XRRA1: variants seen among roughly 807,000 people sequenced by gnomAD.
XRRA1 encodes the protein X-ray radiation resistance-associated protein 1.
A neutral mutation model predicts 80.2 loss-of-function variants in XRRA1; 69 were observed. That is an observed-to-expected ratio of 0.86 (90% CI 0.71 to 1.05). The LOEUF is 1.05. Among genes scored for constraint, XRRA1 ranks in the 50% least tolerant of loss-of-function variants. The pLI, the probability that XRRA1 is intolerant of heterozygous loss-of-function variation, is 0.00. For missense variants in XRRA1, 967 were observed against 976.4 expected (o/e 0.99, Z 0.13); for synonymous variants, 348 against 389.9 (o/e 0.89, Z 1.27).
chr11:74,862,036 GA>G (rs1436805030), intron 11 of XRRA1, among the ~76,000 whole-genome samples: 1 of 152,220 alleles, frequency 6.6e-6, no homozygotes, highest in Admixed American at 6.5e-5. Context: ...TTGACCAATA[GA>G]ATGTGGAGAA....
At chr11:74,851,935 C>T (rs764098049) in intron 13 of XRRA1, 54 bp downstream of exon 13, 81 of 1,494,018 alleles carry the variant, frequency 5.4e-5, no homozygotes, top group Middle Eastern at 3.4e-4. Context: ...ATGAGGGTGC[C>T]ACACTGCTCC....
Position 74,859,303 on chromosome 11 carries a change from C to G in XRRA1, c.1045-20G>C, listed in dbSNP as rs1323971273. 9.4e-6 allele frequency: 15 copies of G among 1,595,264 alleles called. No individual in the cohort carries two copies. Among genetic ancestry groups the G allele is most frequent in the Non-Finnish European group, 1.3e-5 (15 of 1,171,614 alleles). ...GGTTGTCTTAGAAAGAAGGAAAAGT[C>G]AAAATCAAAGTGCCCGATAATAAAT... is the stretch of plus-strand genomic sequence containing the variant. On this transcript the variant is annotated intron_variant, in intron 11 of 18. Coordinates refer to ENST00000684022, the MANE Select transcript of XRRA1 (RefSeq NM_001378157.1).
At chr11:74,898,219 T>C (rs1176832985) in intron 10 of XRRA1, among the ~76,000 whole-genome samples, 1 of 152,134 alleles carries the variant, frequency 6.6e-6, no homozygotes, top group Non-Finnish European at 1.5e-5. Context: ...GGTTATAAGA[T>C]AGTATTTGCA....
intron 10 of XRRA1, among the ~76,000 whole-genome samples, chr11:74,904,717 T>C (rs2054213950): frequency 6.6e-6 from 1 of 152,046 alleles, no homozygotes; most frequent in African/African-American, 2.4e-5. Flanking sequence ...AAATATGCAG[T>C]ACTATATTGT....
At chr11:74,900,449 G>A (rs910052095) in intron 10 of XRRA1, among the ~76,000 whole-genome samples, 2 of 152,070 alleles carry the variant, frequency 1.3e-5, no homozygotes, top group Admixed American at 1.3e-4. Context: ...AGGCATGGTG[G>A]CATATGCCTG....
chr11:74,877,247 C>A (rs1158228908), intron 10 of XRRA1, among the ~76,000 whole-genome samples: 5 of 152,108 alleles, frequency 3.3e-5, no homozygotes, highest in African/African-American at 4.8e-5. Context: ...AAAGATAGCC[C>A]AGGCCTACAA....
chr11:74,884,542 C>T (rs1242365644), intron 10 of XRRA1, among the ~76,000 whole-genome samples: 3 of 152,222 alleles, frequency 2.0e-5, no homozygotes, highest in African/African-American at 7.2e-5. Flanking sequence ...TGCCTCCTCA[C>T]CAGGCACCTA....
chr11:74,860,309 G>A (rs563040633), intron 11 of XRRA1, among the ~76,000 whole-genome samples: 12 of 152,334 alleles, frequency 7.9e-5, no homozygotes, highest in African/African-American at 2.6e-4. Flanking sequence ...TTTCTGAGAC[G>A]CAAGAGTGGA....
chr11:74,859,284 C>A lies in XRRA1; in HGVS notation c.1045-1G>T. ...GAGGAAGTGAACATATCTTGGTTGT[C>A]TTAGAAAGAAGGAAAAGTCAAAATC... On this transcript the variant is annotated splice_acceptor_variant, in intron 11 of 18. Coordinates refer to ENST00000684022, the MANE Select transcript of XRRA1 (RefSeq NM_001378157.1). LOFTEE classifies it high-confidence loss of function. 6.2e-7 allele frequency: 1 copy of A among 1,602,234 alleles called. No individual in the cohort carries two copies. Among genetic ancestry groups the A allele is most frequent in the South Asian group, 1.1e-5 (1 of 88,540 alleles).
chr11:74,880,644 A>G (rs1452972195), intron 10 of XRRA1, among the ~76,000 whole-genome samples: 1 of 150,964 alleles, frequency 6.6e-6, no homozygotes. Context: ...TGCGTCCCAG[A>G]GATTCTGGTA....
chr11:74,907,408 C>G, intron 8 of XRRA1, 135 bp from the exon 9 acceptor site: 3 of 1,116,160 alleles, frequency 2.7e-6, no homozygotes, highest in Non-Finnish European at 3.8e-6. Flanking sequence ...CAAAAGAGGT[C>G]CCCATAGGGA....
At chr11:74,843,999 A>G (rs762270074) in intron 17 of XRRA1, 40 bp from the exon 18 acceptor site, 2 of 1,577,464 alleles carry the variant, frequency 1.3e-6, no homozygotes, top group South Asian at 2.2e-5. Context: ...TCCCAGGTTT[A>G]TGCACAGACT....
At chr11:74,905,310 T>G (rs2054351429) in intron 10 of XRRA1, among the ~76,000 whole-genome samples, 1 of 152,190 alleles carries the variant, frequency 6.6e-6, no homozygotes, top group Non-Finnish European at 1.5e-5. Context: ...CCTCAAACAA[T>G]TCTCCAGCCT....
chr11:74,930,618 C>A (rs2139404861), intron 5 of XRRA1, among the ~76,000 whole-genome samples: 1 of 152,198 alleles, frequency 6.6e-6, no homozygotes, highest in Admixed American at 6.5e-5. Flanking sequence ...TAACCACTAT[C>A]CAGAGGTAAG....
chr11:74,892,053 A>G (rs1039741211), intron 10 of XRRA1, among the ~76,000 whole-genome samples: 9 of 152,148 alleles, frequency 5.9e-5, no homozygotes, highest in African/African-American at 2.2e-4. Flanking sequence ...GGAAAAAACT[A>G]CTTTAAAGTT....
intron 9 of XRRA1, chr11:74,906,710 T>G (rs2054681699): frequency 3.8e-6 from 2 of 530,200 alleles, no homozygotes; most frequent in Non-Finnish European, 6.6e-6. Context: ...CAAAGTAGTA[T>G]TCAGTAAATG....
At chr11:74,887,975 C>T (rs866338274) in intron 10 of XRRA1, among the ~76,000 whole-genome samples, 1 of 152,208 alleles carries the variant, frequency 6.6e-6, no homozygotes, top group Non-Finnish European at 1.5e-5. Context: ...CTGCCTGCCT[C>T]TGTAGACTCC....
intron 9 of XRRA1, 118 bp downstream of exon 9, chr11:74,907,027 A>G (rs1216696938): frequency 7.3e-7 from 1 of 1,369,214 alleles, no homozygotes; most frequent in African/African-American, 1.4e-5. Flanking sequence ...CACACAGTAG[A>G]GATAAATTGT....
chr11:74,923,707 C>A (rs1385396351), intron 7 of XRRA1, among the ~76,000 whole-genome samples: 1 of 152,192 alleles, frequency 6.6e-6, no homozygotes, highest in Non-Finnish European at 1.5e-5. Flanking sequence ...TTTCTGCTAC[C>A]CCTCCAGGTT....
Sources: allele counts gnomAD v4.1 joint callset (sites outside exome capture counted in the v4.1 genomes callset), GRCh38; gene constraint gnomAD v4.1.1; transcripts MANE v1.5; gene names NCBI Gene and HGNC (gene_info 2026-07-23, HGNC 2026-07-21).